SLC9B1: variants seen among roughly 807,000 people sequenced by gnomAD.
SLC9B1 encodes sodium/hydrogen exchanger 9B1.
In SLC9B1, 32 loss-of-function variants were observed where a neutral mutation model predicts 51.7. The observed-to-expected ratio is 0.62, with a 90% confidence interval of 0.47 to 0.83. The LOEUF (loss-of-function observed/expected upper bound fraction) is 0.83, where lower values mean the gene tolerates loss of function less well. SLC9B1 is among the 40% of genes least tolerant of loss of function. The probability of loss-of-function intolerance (pLI) is 0.00; values close to 1 mark genes in which losing one functional copy is unlikely to be tolerated. For missense variants in SLC9B1, 406 were observed against 613.2 expected, an observed-to-expected ratio of 0.66 and a Z score of 3.57; for synonymous variants, 145 against 212.7, an observed-to-expected ratio of 0.68 and a Z score of 2.77.
intron 1 of SLC9B1, among the ~76,000 whole-genome samples, chr4:103,000,978 C>G (rs1030275583): frequency 1.3e-5 from 2 of 152,350 alleles, no homozygotes; most frequent in East Asian, 3.9e-4. Context: ...CACCCCTGTA[C>G]CAAACTTCTG....
intron 3 of SLC9B1, among the ~76,000 whole-genome samples, chr4:102,974,153 C>A (rs1738909881): frequency 7.0e-6 from 1 of 142,492 alleles, no homozygotes; most frequent in South Asian, 2.3e-4. Context: ...AGAAGAATTG[C>A]TTGAGCTGGG....
intron 6 of SLC9B1, among the ~76,000 whole-genome samples, chr4:102,943,504 T>TACACAC (rs1319877290): frequency 5.7e-4 from 41 of 71,970 alleles, no homozygotes; most frequent in Non-Finnish European, 9.1e-4. Context: ...TATGTGTATG[T>TACACAC]ATACACACAC....
intron 1 of SLC9B1, among the ~76,000 whole-genome samples, chr4:103,011,260 T>C (rs1220127705): frequency 3.3e-5 from 5 of 152,204 alleles, no homozygotes; most frequent in African/African-American, 1.2e-4. Context: ...ATCTTGAGAC[T>C]TGAGAATAAT....
intron 7 of SLC9B1, among the ~76,000 whole-genome samples, chr4:102,921,066 C>T (rs1735849280): frequency 6.6e-6 from 1 of 152,078 alleles, no homozygotes; most frequent in African/African-American, 2.4e-5. Context: ...GAGAACACCA[C>T]AAAAATACTC....
At chr4:102,924,212 T>C (rs905184937) in intron 7 of SLC9B1, among the ~76,000 whole-genome samples, 2 of 152,112 alleles carry the variant, frequency 1.3e-5, no homozygotes, top group African/African-American at 4.8e-5. Context: ...AGCAGAGATA[T>C]AGACCAATGG....
chr4:103,016,313 C>G lies in SLC9B1; in HGVS notation c.-2+3286G>C, dbSNP rs1741335825. Among the ~76,000 whole-genome samples, 3 of 152,046 alleles carry G rather than the reference C, an allele frequency of 2.0e-5. No homozygotes were observed. The South Asian group carries it at 6.2e-4, about 32-fold the overall frequency. ...CCACCCCCCTCTATTGGATTATTCTCAGTCTAAATATGCTTAAGTGTCCTT... is the reference window on the plus strand; with the variant it reads ...CCACCCCCCTCTATTGGATTATTCTGAGTCTAAATATGCTTAAGTGTCCTT... On this transcript the variant is annotated intron_variant, in intron 1 of 11. Coordinates refer to ENST00000296422, the MANE Select transcript of SLC9B1 (RefSeq NM_139173.4).
chr4:102,900,112 A>G (rs538898122), downstream of SLC9B1, among the ~76,000 whole-genome samples: 1 of 152,352 alleles, frequency 6.6e-6, no homozygotes, highest in Admixed American at 6.5e-5. Flanking sequence ...CTTGTGGAGA[A>G]GAGGAAAAAG....
chr4:102,975,584 A>ATTTTTTTTT lies in SLC9B1; in HGVS notation c.211+14215_211+14216insAAAAAAAAA, dbSNP rs1466561136. On this transcript the variant is annotated intron_variant, in intron 3 of 11. Transcript: ENST00000296422. ...TATATACATATATATATATATATATATATTTTTTTTTTTTTTTTTTTTTTT... is the reference window on the plus strand; with the variant it reads ...TATATACATATATATATATATATATATTTTTTTTTTATTTTTTTTTTTTTTTTTTTTTTT... Among the ~76,000 whole-genome samples, 302 of 80,044 alleles carry ATTTTTTTTT rather than the reference A, an allele frequency of 3.8e-3. 8 individuals are homozygous for ATTTTTTTTT. The highest frequency in any genetic ancestry group is 0.015 in the Middle Eastern group (2 of 134). The allele number at this position is 80,044 out of a possible 152,430, so 52.5% of individuals were successfully genotyped here. A position where few individuals can be genotyped will look rare whatever the true frequency, so the allele number is the denominator to read the frequency against.
chr4:102,925,818 C>T (rs1241119434), intron 7 of SLC9B1, among the ~76,000 whole-genome samples: 2 of 152,150 alleles, frequency 1.3e-5, no homozygotes, highest in Non-Finnish European at 2.9e-5. Context: ...GACCAATATC[C>T]CTGATGAACA....
At chr4:102,913,582 G>A (rs1254688294) in intron 7 of SLC9B1, among the ~76,000 whole-genome samples, 1 of 151,554 alleles carries the variant, frequency 6.6e-6, no homozygotes, top group Non-Finnish European at 1.5e-5. Context: ...AAAAATAACA[G>A]GCATAAGAAG....
intron 3 of SLC9B1, among the ~76,000 whole-genome samples, chr4:102,989,065 A>C (rs1339770702): frequency 2.6e-5 from 4 of 152,086 alleles, no homozygotes; most frequent in Non-Finnish European, 5.9e-5. Context: ...ATTCAAGGCC[A>C]TCAATATACT....
At chr4:102,971,620 G>A (rs951320433) in intron 3 of SLC9B1, among the ~76,000 whole-genome samples, 3 of 152,042 alleles carry the variant, frequency 2.0e-5, no homozygotes, top group Non-Finnish European at 4.4e-5. Flanking sequence ...CTAGCAGAAG[G>A]CAAGAAATAA....
chr4:102,974,241 TGAAAAAAAA>T (rs1292649643), intron 3 of SLC9B1, among the ~76,000 whole-genome samples: 2,222 of 16,788 alleles, frequency 0.13, 81 homozygotes, highest in African/African-American at 0.36. Context: ...TGTCTAAAAT[TGAAAAAAAA>T]AAAAAAAAAA....
At chr4:102,958,533 C>G (rs193196997) in intron 3 of SLC9B1, among the ~76,000 whole-genome samples, 9 of 152,170 alleles carry the variant, frequency 5.9e-5, no homozygotes, top group Non-Finnish European at 1.2e-4. Flanking sequence ...TGCCTGTAGT[C>G]CCAGCTACTT....
At chr4:102,958,648 C>T (rs6851455) in intron 3 of SLC9B1, among the ~76,000 whole-genome samples, 2,589 of 152,166 alleles carry the variant, frequency 0.017, 70 homozygotes, top group African/African-American at 0.056. Context: ...AGAGGCCAGG[C>T]GCAGTGGCTC....
chr4:102,955,899 AAG>A (rs58779428), intron 3 of SLC9B1, among the ~76,000 whole-genome samples: 28 of 107,890 alleles, frequency 2.6e-4, no homozygotes, highest in South Asian at 8.1e-4. Context: ...GAAAGAAAGA[AAG>A]AGAGAGAAAG....
At chr4:102,965,599 G>A (rs193216755) in intron 3 of SLC9B1, among the ~76,000 whole-genome samples, 45 of 152,122 alleles carry the variant, frequency 3.0e-4, no homozygotes, top group African/African-American at 1.0e-3. Context: ...GCAGAGACAC[G>A]GAAACCATGG....
downstream of SLC9B1, among the ~76,000 whole-genome samples, chr4:102,899,063 A>G (rs1270403256): frequency 6.6e-6 from 1 of 151,824 alleles, no homozygotes; most frequent in Non-Finnish European, 1.5e-5. Flanking sequence ...TATAAACACT[A>G]ATATCATACA....
At chr4:102,972,567 A>C (rs1020783988) in intron 3 of SLC9B1, among the ~76,000 whole-genome samples, 1 of 152,172 alleles carries the variant, frequency 6.6e-6, no homozygotes. Flanking sequence ...CTTTTCATGG[A>C]AGGCAAAACT....
Sources: allele counts gnomAD v4.1 joint callset (sites outside exome capture counted in the v4.1 genomes callset), GRCh38; gene constraint gnomAD v4.1.1; transcripts MANE v1.5; gene names NCBI Gene and HGNC (gene_info 2026-07-23, HGNC 2026-07-21).